The following ZNF723 variants were observed in gnomAD, a reference collection of about 807,000 sequenced individuals.
ZNF723 encodes the protein zinc finger protein 723, pseudogene.
A neutral mutation model predicts 9.4 loss-of-function variants in ZNF723; 5 were observed. The observed-to-expected ratio is 0.53, with a 90% CI of 0.28 to 1.12. The LOEUF is 1.12. Among genes scored for constraint, ZNF723 ranks in the 50% most tolerant of loss-of-function variants. The pLI, the probability that ZNF723 is intolerant of heterozygous loss-of-function variation, is 0.10. For missense variants in ZNF723, 450 were observed against 501.5 expected, an observed-to-expected ratio of 0.90 and a Z score of 0.98; for synonymous variants, 158 against 168.8, an observed-to-expected ratio of 0.94 and a Z score of 0.49.
chr19:22,820,122 C>G, the ZNF723 span, among the ~76,000 whole-genome samples: 1 of 152,096 alleles, frequency 6.6e-6, no homozygotes, highest in Non-Finnish European at 1.5e-5. Context: ...TGATACATGG[C>G]TGGGCCCAAC....
At chr19:22,838,488 G>A (rs1488348871) in intron 1 of ZNF723, among the ~76,000 whole-genome samples, 1 of 151,886 alleles carries the variant, frequency 6.6e-6, no homozygotes, top group Non-Finnish European at 1.5e-5. Flanking sequence ...GGAGGCGGAG[G>A]TTGTGGTGAG....
chr19:22,840,761 T>C (rs539019403), intron 1 of ZNF723: 15 of 152,272 alleles, frequency 9.9e-5, no homozygotes, highest in Admixed American at 6.5e-4. Flanking sequence ...AGGGAGAACT[T>C]AGACCTATCT....
chr19:22,850,502 T>TG (rs1434763498), intron 3 of ZNF723, among the ~76,000 whole-genome samples: 4 of 150,012 alleles, frequency 2.7e-5, no homozygotes, highest in African/African-American at 9.8e-5. Flanking sequence ...GTCTTTTTTT[T>TG]TTTTCTTTTT....
chr19:22,848,102 T>TA (rs35396612), intron 1 of ZNF723, among the ~76,000 whole-genome samples, 159 bp from the exon 2 acceptor site: 1,391 of 137,212 alleles, frequency 0.01, 12 homozygotes, highest in South Asian at 0.026. Context: ...GACTCTGTCT[T>TA]AAAAAAAAAA....
intron 3 of ZNF723, among the ~76,000 whole-genome samples, chr19:22,853,632 T>G (rs1486040973): frequency 6.6e-6 from 1 of 152,184 alleles, no homozygotes; most frequent in Non-Finnish European, 1.5e-5. Context: ...GAGTATTTAT[T>G]TATTTATCTG....
chr19:22,817,452 T>C, the ZNF723 span, among the ~76,000 whole-genome samples: 1 of 152,092 alleles, frequency 6.6e-6, no homozygotes, highest in African/African-American at 2.4e-5. Context: ...ACTCTTTCTA[T>C]AGAAAGATTA....
chr19:22,857,217 A>C lies in ZNF723; in HGVS notation c.326A>C (p.Asp109Ala), dbSNP rs1273038510. Reference protein sequence around the residue: ...ILRSYGKYGHDNLQLRKGCES... With the variant: ...ILRSYGKYGHANLQLRKGCES... ...AGAAGCTATGGAAAATATGGACATG[A>C]CAATTTACAATTAAGAAAAGGCTGT... The change falls in exon 4 of 4, where the codon GAC becomes GCC. Residue 109 changes from aspartate (D) to alanine (A), a missense_variant. Asp to Ala is a moderately radical substitution (Grantham distance 126). Transcript: ENST00000600766. The C allele has an allele frequency of 1.0e-5, 9 of 883,670 alleles. No individual in the cohort carries two copies. Among genetic ancestry groups the C allele is most frequent in the Non-Finnish European group, 1.7e-5 (9 of 532,842 alleles). The allele number at this position is 883,670 out of a possible 1,614,324, so 54.7% of individuals were successfully genotyped here.
At chr19:22,850,507 C>G (rs924238113) in intron 3 of ZNF723, among the ~76,000 whole-genome samples, 1 of 121,366 alleles carries the variant, frequency 8.2e-6, no homozygotes, top group Admixed American at 8.3e-5. Context: ...TTTTTTTTTT[C>G]TTTTTACTGA....
chr19:22,848,435 T>G (rs1418573261), intron 2 of ZNF723, 48 bp downstream of exon 2: 7 of 1,249,090 alleles, frequency 5.6e-6, no homozygotes, highest in Non-Finnish European at 7.9e-6. Context: ...AAATGTTTCT[T>G]TTTTTGGTGT....
chr19:22,832,421 G>A, intron 1 of ZNF723, 39 bp downstream of exon 1: 1 of 1,363,756 alleles, frequency 7.3e-7, no homozygotes, highest in East Asian at 2.6e-5. Context: ...AGAGGGGAAG[G>A]GCTGGTTGGA....
Position 22,857,620 on chromosome 19 carries a change from C to A in ZNF723, c.729C>A (p.Ser243Arg). ...ECGKAFNVSSSLNNHKRIHTG... is the reference protein window; with the variant it reads ...ECGKAFNVSSRLNNHKRIHTG... ...GCAAAGCCTTTAATGTGTCCTCAAG[C>A]CTTAATAATCATAAGAGAATTCATA... The change falls in exon 4 of 4, where the codon AGC becomes AGA. Residue 243 changes from serine (S) to arginine (R), a missense_variant. Physicochemically the swap from Ser to Arg is moderately radical, Grantham distance 110 (BLOSUM62 -1). Coordinates refer to ENST00000600766, the MANE Select transcript of ZNF723 (RefSeq NM_001349726.2). 1 of 1,293,688 alleles carries A rather than the reference C, an allele frequency of 7.7e-7. No individual in the cohort carries two copies. Among genetic ancestry groups the A allele is most frequent in the Admixed American group, 1.7e-5 (1 of 59,490 alleles). 80.1% of individuals were successfully genotyped at this position (1,293,688 alleles called of 1,614,324 possible). A position where few individuals can be genotyped will look rare whatever the true frequency, so the allele number is the denominator to read the frequency against.
At chr19:22,812,971 TTTTTG>T in the ZNF723 span, among the ~76,000 whole-genome samples, 1 of 151,044 alleles carries the variant, frequency 6.6e-6, no homozygotes, top group Non-Finnish European at 1.5e-5. Context: ...TGTTTGTTTG[TTTTTG>T]TTTTGTTTTG....
upstream of ZNF723, among the ~76,000 whole-genome samples, chr19:22,829,098 G>A (rs1296272776): frequency 6.6e-6 from 1 of 151,662 alleles, no homozygotes; most frequent in African/African-American, 2.4e-5. Flanking sequence ...GTTTGAACCT[G>A]GGAGGAGGAG....
intron 1 of ZNF723, among the ~76,000 whole-genome samples, chr19:22,832,918 T>G (rs1223934953): frequency 2.6e-5 from 4 of 152,238 alleles, no homozygotes; most frequent in Non-Finnish European, 5.9e-5. Context: ...ACCCAAATTC[T>G]GTAATCAGGC....
At chr19:22,823,983 C>A in the ZNF723 span, among the ~76,000 whole-genome samples, 1 of 152,224 alleles carries the variant, frequency 6.6e-6, no homozygotes, top group Non-Finnish European at 1.5e-5. Context: ...CTGGATCTCA[C>A]CCTCAGAAGA....
chr19:22,856,507 G>A (rs1479536097), intron 3 of ZNF723, among the ~76,000 whole-genome samples: 1 of 152,152 alleles, frequency 6.6e-6, no homozygotes, highest in Non-Finnish European at 1.5e-5. Flanking sequence ...TTCTTATGAT[G>A]TGTCTTGTCT....
At chr19:22,846,134 T>A (rs1967305946) in intron 1 of ZNF723, among the ~76,000 whole-genome samples, 1 of 152,056 alleles carries the variant, frequency 6.6e-6, no homozygotes, top group Admixed American at 6.6e-5. Context: ...TGGAGGATTC[T>A]CACCATTAAT....
the ZNF723 span, among the ~76,000 whole-genome samples, chr19:22,820,668 T>C: frequency 6.6e-6 from 1 of 152,134 alleles, no homozygotes; most frequent in African/African-American, 2.4e-5. Flanking sequence ...CCTGTTTGCA[T>C]AAAAATAATA....
the ZNF723 span, among the ~76,000 whole-genome samples, chr19:22,813,227 T>C: frequency 6.6e-6 from 1 of 152,182 alleles, no homozygotes; most frequent in Non-Finnish European, 1.5e-5. Context: ...ATGGGACATG[T>C]GTAAGATTGT....
Sources: allele counts gnomAD v4.1 joint callset (sites outside exome capture counted in the v4.1 genomes callset), GRCh38; gene constraint gnomAD v4.1.1; transcripts MANE v1.5; gene names NCBI Gene and HGNC (gene_info 2026-07-23, HGNC 2026-07-21).